The following MDFIC variants were observed in gnomAD, a reference collection of about 807,000 sequenced individuals.
The protein encoded by MDFIC is myoD family inhibitor domain-containing protein.
In MDFIC, 17 loss-of-function variants were observed where a neutral mutation model predicts 23.2. The observed-to-expected ratio is 0.73, with a 90% confidence interval of 0.50 to 1.10. The LOEUF (loss-of-function observed/expected upper bound fraction) is 1.10. MDFIC is among the 50% of genes least tolerant of loss of function. The probability of loss-of-function intolerance (pLI) is 0.00; values close to 1 mark genes in which losing one functional copy is unlikely to be tolerated. For synonymous variants in MDFIC, 120 were observed against 115.2 expected, an observed-to-expected ratio of 1.04 and a Z score of -0.27; for missense variants, 356 against 316.6, an observed-to-expected ratio of 1.12 and a Z score of -0.95.
chr7:114,944,013 A>C (rs1292178068), intron 3 of MDFIC, among the ~76,000 whole-genome samples: 1 of 152,228 alleles, frequency 6.6e-6, no homozygotes, highest in Non-Finnish European at 1.5e-5. Flanking sequence ...TATTTGGTGA[A>C]GCTCATATTA....
At chr7:114,995,716 A>G (rs908501733) in intron 4 of MDFIC, among the ~76,000 whole-genome samples, 1 of 152,206 alleles carries the variant, frequency 6.6e-6, no homozygotes, top group African/African-American at 2.4e-5. Context: ...GCTTCATCTC[A>G]GAGGGGTACT....
rs1199506996 is a variant in MDFIC, at chr7:114,942,326, G to C, written c.146G>C (p.Ser49Thr). The change falls in exon 3 of 5, where the codon AGC (serine) becomes ACC (threonine). Residue 49 changes from serine to threonine, a missense_variant. By Grantham distance (58) the Ser-to-Thr change is moderately conservative. Coordinates refer to ENST00000393486, the MANE Select transcript of MDFIC (RefSeq NM_001166345.3). ...AAAGATATAACTCAAGCTACCAATAGCCACTTCACACATGGAGAGATGCAA... is the reference window on the plus strand; with the variant it reads ...AAAGATATAACTCAAGCTACCAATACCCACTTCACACATGGAGAGATGCAA... ...TEKDITQATNSHFTHGEMQDQ... is the reference protein window; with the variant it reads ...TEKDITQATNTHFTHGEMQDQ... The C allele has an allele frequency of 6.3e-7, 1 of 1,599,162 alleles. No individual in the cohort carries two copies. Among genetic ancestry groups the C allele is most frequent in the Non-Finnish European group, 8.6e-7 (1 of 1,168,334 alleles).
chr7:114,996,764 G>A (rs934146298), intron 4 of MDFIC, among the ~76,000 whole-genome samples: 2 of 152,158 alleles, frequency 1.3e-5, no homozygotes, highest in Non-Finnish European at 2.9e-5. Context: ...GTGGGTCCAA[G>A]GTATCAGCAT....
chr7:114,931,760 T>A (rs1214335467), intron 2 of MDFIC, among the ~76,000 whole-genome samples: 1 of 152,228 alleles, frequency 6.6e-6, no homozygotes, highest in Non-Finnish European at 1.5e-5. Context: ...TTTGTCTAAG[T>A]TGGACTGCTA....
chr7:114,991,652 A>G (rs1324917707), intron 4 of MDFIC, among the ~76,000 whole-genome samples: 1 of 152,172 alleles, frequency 6.6e-6, no homozygotes, highest in East Asian at 1.9e-4. Flanking sequence ...CAAAGATCAC[A>G]TGGTTGTAGA....
chr7:114,995,383 C>T lies in MDFIC; in HGVS notation c.493+15602C>T, dbSNP rs533734937. 3.3e-5 allele frequency among the ~76,000 whole-genome samples: 5 copies of T among 152,326 alleles called. No individual in the cohort carries two copies. The South Asian group carries it at 8.3e-4, about 25-fold the overall frequency. On this transcript the variant is annotated intron_variant, in intron 4 of 4. Transcript: ENST00000393486. ...TTCTCCATCCAGCTTTGTTCCATTG[C>T]TGGCGAGGAGCTGTGTTCCTTTGGA...
At chr7:114,929,028 A>AAAATATAGATATAGATCTATAGAT in intron 2 of MDFIC, among the ~76,000 whole-genome samples, 1 of 145,936 alleles carries the variant, frequency 6.9e-6, no homozygotes, top group African/African-American at 2.5e-5. Flanking sequence ...GGTTGGGTAA[A>AAAATATAGATATAGATCTATAGAT]AAATATAGAT....
intron 4 of MDFIC, among the ~76,000 whole-genome samples, chr7:114,998,465 A>T (rs1791390197): frequency 1.3e-5 from 2 of 152,260 alleles, no homozygotes; most frequent in South Asian, 4.1e-4. Flanking sequence ...AATCAGCTGG[A>T]CTAAAGAAAC....
rs1792102940 is a variant in MDFIC at position 114,922,517 on chromosome 7, C to T, written c.-227C>T. 7.9e-7 allele frequency: 1 copy of T among 1,259,726 alleles called. No individual in the cohort carries two copies. The highest frequency in any genetic ancestry group is 1.0e-6 in the Non-Finnish European group (1 of 996,310). The allele number at this position is 1,259,726 out of a possible 1,614,324, so 78.0% of individuals were successfully genotyped here. A position where few individuals can be genotyped will look rare whatever the true frequency, so the allele number is the denominator to read the frequency against. ...GGAGGACGCGCAGGGGCGGCCGCCG[C>T]CGTCGTCAGGCCACCGGGGCGAAAA... On this transcript the variant is annotated 5_prime_UTR_variant, in exon 1 of 5. Coordinates refer to ENST00000393486, the MANE Select transcript of MDFIC (RefSeq NM_001166345.3).
chr7:115,007,094 C>T (rs555145747), intron 4 of MDFIC, among the ~76,000 whole-genome samples: 1 of 152,148 alleles, frequency 6.6e-6, no homozygotes, highest in South Asian at 2.1e-4. Context: ...TTAGAGTTGC[C>T]TTCTTGGTTC....
intron 4 of MDFIC, among the ~76,000 whole-genome samples, chr7:114,993,491 G>A (rs1318908015): frequency 5.3e-5 from 8 of 152,170 alleles, no homozygotes; most frequent in Admixed American, 5.2e-4. Context: ...GGCATTTAGT[G>A]TTATAAATTT....
intron 3 of MDFIC, among the ~76,000 whole-genome samples, chr7:114,968,190 G>A (rs1309201666): frequency 1.3e-5 from 2 of 152,156 alleles, no homozygotes; most frequent in Non-Finnish European, 2.9e-5. Context: ...TATATGTTAA[G>A]TAACATTTTA....
chr7:114,936,488 G>C (rs1792426190), intron 2 of MDFIC, among the ~76,000 whole-genome samples: 1 of 152,056 alleles, frequency 6.6e-6, no homozygotes, highest in Non-Finnish European at 1.5e-5. Context: ...AAAAGGTAAA[G>C]TGTACATTTC....
chr7:114,981,967 A>G (rs889450358), intron 4 of MDFIC, among the ~76,000 whole-genome samples: 9 of 152,232 alleles, frequency 5.9e-5, no homozygotes, highest in African/African-American at 2.2e-4. Context: ...AAGGAAAAAC[A>G]TTCTCAATTC....
intron 4 of MDFIC, among the ~76,000 whole-genome samples, chr7:114,994,770 GCTGC>G (rs905476069): frequency 3.9e-4 from 60 of 152,180 alleles, no homozygotes; most frequent in African/African-American, 1.4e-3. Flanking sequence ...TTTCTCTCTG[GCTGC>G]CCTTAACATT....
chr7:114,938,755 G>A, intron 2 of MDFIC, among the ~76,000 whole-genome samples: 1 of 151,076 alleles, frequency 6.6e-6, no homozygotes, highest in Non-Finnish European at 1.5e-5. Context: ...GATTTCATAT[G>A]TGACTGAAAT....
intron 4 of MDFIC, among the ~76,000 whole-genome samples, chr7:114,983,531 T>G (rs927294699): frequency 2.7e-5 from 4 of 149,514 alleles, no homozygotes; most frequent in Non-Finnish European, 5.9e-5. Flanking sequence ...TCTGAAGAAC[T>G]GAGAACAAAG....
At chr7:114,948,701 A>T (rs1054502430) in intron 3 of MDFIC, among the ~76,000 whole-genome samples, 2 of 152,048 alleles carry the variant, frequency 1.3e-5, no homozygotes, top group African/African-American at 4.8e-5. Context: ...ATATATAGAT[A>T]TTGTTCATCA....
chr7:115,016,740 GT>G lies in MDFIC; in HGVS notation c.*807del, dbSNP rs1460470089. The G allele has an allele frequency of 6.5e-6, 1 of 153,046 alleles. No individual in the cohort carries two copies. The highest frequency in any genetic ancestry group is 1.5e-5 in the Non-Finnish European group (1 of 68,842). The allele number at this position is 153,046 out of a possible 1,614,324, so 9.5% of individuals were successfully genotyped here. ...CTTTAGGAAACAAACCCACATAATAGTTGGGAACCAGTGTTGATCTCTCTCC... is the reference window on the plus strand; with the variant it reads ...CTTTAGGAAACAAACCCACATAATAGTGGGAACCAGTGTTGATCTCTCTCC... On this transcript the variant is annotated 3_prime_UTR_variant, in exon 5 of 5. Coordinates refer to ENST00000393486, the MANE Select transcript of MDFIC (RefSeq NM_001166345.3).
Sources: allele counts gnomAD v4.1 joint callset (sites outside exome capture counted in the v4.1 genomes callset), GRCh38; gene constraint gnomAD v4.1.1; transcripts MANE v1.5; gene names NCBI Gene and HGNC (gene_info 2026-07-23, HGNC 2026-07-21).